LRFN5: variants seen among roughly 807,000 people sequenced by gnomAD.
LRFN5 encodes leucine-rich repeat and fibronectin type-III domain-containing protein 5.
A neutral mutation model predicts 45.6 loss-of-function variants in LRFN5; 24 were observed. The ratio of observed to expected loss-of-function variants is 0.53; its 90% CI spans 0.38 to 0.74. LRFN5 has a LOEUF of 0.74. LRFN5 is among the 30% of genes least tolerant of loss of function. LRFN5 has a pLI of 0.00. For missense variants in LRFN5, 776 were observed against 861.5 expected (o/e 0.90, Z 1.24); for synonymous variants, 340 against 313.8 (o/e 1.08, Z -0.88).
At chr14:41,769,590 A>T (rs528613448) in intron 2 of LRFN5, among the ~76,000 whole-genome samples, 4 of 152,330 alleles carry the variant, frequency 2.6e-5, no homozygotes, top group Admixed American at 6.5e-5. Flanking sequence ...TTGTACACAC[A>T]ATGACGATAA....
chr14:41,675,399 G>C (rs12878265), intron 1 of LRFN5, among the ~76,000 whole-genome samples: 1 of 152,268 alleles, frequency 6.6e-6, no homozygotes, highest in Admixed American at 6.5e-5. Context: ...TTAGGAGCTG[G>C]AGACCAGCCC....
At chr14:41,839,138 A>G (rs868108125) in intron 2 of LRFN5, among the ~76,000 whole-genome samples, 20 of 152,222 alleles carry the variant, frequency 1.3e-4, no homozygotes, top group African/African-American at 4.8e-4. Flanking sequence ...ATTACTTGGA[A>G]TGTCATATAT....
At chr14:41,616,682 T>G (rs1594551952) in intron 1 of LRFN5, among the ~76,000 whole-genome samples, 1 of 152,174 alleles carries the variant, frequency 6.6e-6, no homozygotes, top group Non-Finnish European at 1.5e-5. Context: ...ATGAGTCTTT[T>G]GGTTATCAGC....
intron 2 of LRFN5, among the ~76,000 whole-genome samples, chr14:41,825,444 T>C (rs1319986358): frequency 6.6e-6 from 1 of 152,228 alleles, no homozygotes; most frequent in Non-Finnish European, 1.5e-5. Flanking sequence ...AGGGAGCTCT[T>C]GGTACGGGAG....
chr14:41,848,567 T>G (rs1301483727), intron 2 of LRFN5, among the ~76,000 whole-genome samples: 1 of 152,030 alleles, frequency 6.6e-6, no homozygotes, highest in Non-Finnish European at 1.5e-5. Flanking sequence ...GTGTTTAGAC[T>G]GTAGGAAAGT....
At position 41,760,767 on chromosome 14, in the gene LRFN5, A is replaced by G. The variant is rs539734914; in HGVS notation, c.-196-6087A>G. Among the ~76,000 whole-genome samples, 107 of 152,060 alleles carry G rather than the reference A, an allele frequency of 7.0e-4. 1 individual carries two copies. Among genetic ancestry groups the G allele is most frequent in the African/African-American group, 2.4e-3 (100 of 41,492 alleles). On this transcript the variant is annotated intron_variant, in intron 1 of 5. Coordinates refer to ENST00000298119, the MANE Select transcript of LRFN5 (RefSeq NM_152447.5). The stretch of plus-strand genomic sequence containing the variant: ...AACAGGGAGGGACGGGACACAGAAG[A>G]GGGGAGAAAAGGAGGGAAGGTGAAA...
chr14:41,776,202 C>G (rs1886288828), intron 2 of LRFN5, among the ~76,000 whole-genome samples: 1 of 152,072 alleles, frequency 6.6e-6, no homozygotes, highest in Non-Finnish European at 1.5e-5. Context: ...AATCCTGATT[C>G]CTAAATATTT....
chr14:41,787,853 C>T (rs947879256), intron 2 of LRFN5, among the ~76,000 whole-genome samples: 5 of 151,778 alleles, frequency 3.3e-5, no homozygotes, highest in African/African-American at 1.2e-4. Context: ...GAGCACTAAC[C>T]CCTAGTGTCA....
chr14:41,612,990 A>G (rs980505552), intron 1 of LRFN5, among the ~76,000 whole-genome samples: 2 of 152,216 alleles, frequency 1.3e-5, no homozygotes, highest in Non-Finnish European at 2.9e-5. Flanking sequence ...TTACATAAAC[A>G]TTTTATGTGA....
At chr14:41,710,745 A>G (rs1013603650) in intron 1 of LRFN5, among the ~76,000 whole-genome samples, 3 of 152,056 alleles carry the variant, frequency 2.0e-5, no homozygotes, top group Non-Finnish European at 2.9e-5. Flanking sequence ...CATTAGGTAT[A>G]TCTCCTAATG....
intron 1 of LRFN5, among the ~76,000 whole-genome samples, chr14:41,691,868 C>T (rs532217369): frequency 6.6e-6 from 1 of 152,078 alleles, no homozygotes; most frequent in African/African-American, 2.4e-5. Context: ...AATCATCAAC[C>T]TTTTTGAGTT....
chr14:41,754,505 C>T (rs558548299), intron 1 of LRFN5, among the ~76,000 whole-genome samples: 8,454 of 151,682 alleles, frequency 0.056, 818 homozygotes, highest in African/African-American at 0.19. Context: ...AGGGTTTATG[C>T]ATCGAGGAAT....
intron 1 of LRFN5, among the ~76,000 whole-genome samples, chr14:41,690,199 C>A (rs2138703360): frequency 6.8e-6 from 1 of 146,658 alleles, no homozygotes. Flanking sequence ...TCATCATAGG[C>A]ATGTATAATT....
chr14:41,801,369 A>G (rs1375982358), intron 2 of LRFN5, among the ~76,000 whole-genome samples: 1 of 152,194 alleles, frequency 6.6e-6, no homozygotes, highest in African/African-American at 2.4e-5. Context: ...ATATTTTAAA[A>G]TATTATTCTT....
intron 1 of LRFN5, among the ~76,000 whole-genome samples, chr14:41,671,637 T>TTA (rs61290111): frequency 1.4e-5 from 2 of 143,612 alleles, no homozygotes; most frequent in African/African-American, 5.2e-5. Context: ...TTTTTTTTTT[T>TTA]ACGGAGTTTC....
rs1429316209 is a variant in LRFN5 at position 41,674,477 on chromosome 14, C to G, written c.-197+65915C>G. 2.1e-5 allele frequency among the ~76,000 whole-genome samples: 3 copies of G among 143,976 alleles called. No individual in the cohort carries two copies. In the South Asian group the frequency reaches 6.9e-4, roughly 33 times the overall value. 94.5% of individuals were successfully genotyped at this position (143,976 alleles called of 152,430 possible). A position where few individuals can be genotyped will look rare whatever the true frequency, so the allele number is the denominator to read the frequency against. ...CCGGGCAGAGGCGCCCCTCACCTCC[C>G]GGACGGGGTGGCTGGCCGGGCGGGG... On this transcript the variant is annotated intron_variant, in intron 1 of 5. Transcript: ENST00000298119.
intron 1 of LRFN5, among the ~76,000 whole-genome samples, chr14:41,754,040 G>C (rs972627584): frequency 3.3e-5 from 5 of 152,130 alleles, no homozygotes; most frequent in South Asian, 2.1e-4. Context: ...TTCTGTCTTT[G>C]GTTCTGTTTG....
intron 2 of LRFN5, among the ~76,000 whole-genome samples, chr14:41,882,232 A>G (rs1339551342): frequency 6.6e-6 from 1 of 150,734 alleles, no homozygotes. Flanking sequence ...CACCCCTAGC[A>G]TTTTTTTTTC....
intron 1 of LRFN5, among the ~76,000 whole-genome samples, chr14:41,660,294 GGGATTACA>G (rs1880586706): frequency 6.6e-6 from 1 of 152,032 alleles, no homozygotes. Flanking sequence ...CCAAAGTTCT[GGGATTACA>G]GGTGTGAGCC....
Sources: gnomAD v4.1 joint callset for allele counts (sites outside exome capture counted in the v4.1 genomes callset) on GRCh38, gnomAD v4.1.1 for gene constraint, MANE v1.5 for transcripts, NCBI Gene and HGNC (gene_info 2026-07-23, HGNC 2026-07-21) for gene names.